The following ADH4 variants were observed in gnomAD, a reference collection of about 807,000 sequenced individuals.
ADH4 encodes the protein alcohol dehydrogenase 4 (class II), pi polypeptide, also known as all-trans-retinol dehydrogenase [NAD(+)] ADH4.
A neutral mutation model predicts 35.2 loss-of-function variants in ADH4; 31 were observed. The observed-to-expected ratio is 0.88, with a 90% CI of 0.66 to 1.19. The LOEUF is 1.19. ADH4 is among the 50% of genes most tolerant of loss of function. The pLI is 0.00. For missense variants in ADH4, 476 were observed against 458.3 expected (o/e 1.04, Z -0.35); for synonymous variants, 171 against 160.2 (o/e 1.07, Z -0.51).
At chr4:99,133,527 T>C (rs1729349095) in intron 5 of ADH4, 1 of 152,230 alleles carries the variant, frequency 6.6e-6, no homozygotes, top group South Asian at 2.1e-4. Context: ...TTACTGATAC[T>C]TCACTTTCCT....
At chr4:99,129,178 AAGT>A (rs962843496) in intron 6 of ADH4, among the ~76,000 whole-genome samples, 153 of 152,228 alleles carry the variant, frequency 1.0e-3, no homozygotes, top group African/African-American at 3.3e-3. Flanking sequence ...AAAAAAAAGT[AAGT>A]AGGGGAGAGA....
intron 5 of ADH4, among the ~76,000 whole-genome samples, chr4:99,133,365 T>G (rs192418461): frequency 6.6e-6 from 1 of 152,300 alleles, no homozygotes; most frequent in East Asian, 1.9e-4. Flanking sequence ...TGTAATGTTG[T>G]TTAATTGGCA....
intron 2 of ADH4, 107 bp from the exon 3 acceptor site, chr4:99,141,789 C>G: frequency 2.9e-6 from 3 of 1,026,624 alleles, no homozygotes; most frequent in Non-Finnish European, 4.1e-6. Context: ...TATAAGACTT[C>G]TAGAACTCAA....
chr4:99,127,301 G>T lies in ADH4; in HGVS notation c.887C>A (p.Thr296Asn), dbSNP rs1423540080. 2 of 1,612,188 alleles carry T rather than the reference G, an allele frequency of 1.2e-6. No individual in the cohort carries two copies. Among genetic ancestry groups the T allele is most frequent in the Non-Finnish European group, 1.7e-6 (2 of 1,178,942 alleles). ...GCTACCAGCAGCTACTCCAATGAAA[G>T]TACATGATCCCCAGCCTGCGGTTGT... is the stretch of plus-strand genomic sequence containing the variant. ...DCTTAGWGSC[T>N]FIGVAAGSKG... The change falls in exon 7 of 9, where the codon ACT (threonine) becomes AAT (asparagine). Residue 296 changes from threonine to asparagine, a missense_variant. Transcript: ENST00000265512.
intron 8 of ADH4, among the ~76,000 whole-genome samples, chr4:99,125,433 G>A (rs1018898375): frequency 1.3e-5 from 2 of 152,164 alleles, no homozygotes; most frequent in Non-Finnish European, 1.5e-5. Flanking sequence ...CTGCCACTTA[G>A]CATTCCTTAT....
At chr4:99,137,372 C>T (rs1045162408) in intron 4 of ADH4, among the ~76,000 whole-genome samples, 3 of 151,692 alleles carry the variant, frequency 2.0e-5, no homozygotes, top group East Asian at 1.9e-4. Context: ...GCTATCCACC[C>T]GCCTCAGCCT....
rs771009134 is a variant in ADH4 at position 99,131,722 on chromosome 4, C to A, written c.625G>T (p.Val209Leu). 1.2e-6 allele frequency: 2 copies of A among 1,614,074 alleles called. No individual in the cohort carries two copies. Among genetic ancestry groups the A allele is most frequent in the Non-Finnish European group, 1.7e-6 (2 of 1,180,022 alleles). Residue 209 changes from valine to leucine, a missense_variant, in exon 6 of 9, where the codon GTG (valine) becomes TTG (leucine). Val to Leu is a conservative substitution (Grantham distance 32). Coordinates refer to ENST00000265512, the MANE Select transcript of ADH4 (RefSeq NM_000670.5). Reference sequence around the variant, plus strand: ...CAACCCATTACAGCAGAAAGACCCACACCTCCTAGGCCAAAGACAGCACAA... The same window carrying A: ...CAACCCATTACAGCAGAAAGACCCAAACCTCCTAGGCCAAAGACAGCACAA... ...STCAVFGLGG[V>L]GLSAVMGCKA...
chr4:99,132,897 A>G (rs1393982303), intron 5 of ADH4, among the ~76,000 whole-genome samples: 1 of 152,314 alleles, frequency 6.6e-6, no homozygotes, highest in Non-Finnish European at 1.5e-5. Flanking sequence ...CTTATTTACT[A>G]TAATATTAGG....
chr4:99,133,041 A>G (rs4148888), intron 5 of ADH4, among the ~76,000 whole-genome samples: 18,805 of 152,164 alleles, frequency 0.12, 2,433 homozygotes, highest in East Asian at 0.73. Context: ...GATTCTTAAT[A>G]TATTGCTCCA....
intron 5 of ADH4, among the ~76,000 whole-genome samples, chr4:99,133,977 A>T (rs929553115): frequency 6.6e-6 from 1 of 152,230 alleles, no homozygotes; most frequent in Non-Finnish European, 1.5e-5. Flanking sequence ...AGTACTAATT[A>T]TGCTTTTAAA....
chr4:99,142,910 A>C, intron 1 of ADH4, 130 bp from the exon 2 acceptor site: 2 of 626,070 alleles, frequency 3.2e-6, no homozygotes, highest in South Asian at 2.1e-5. Context: ...AAAGAGTTAA[A>C]GAGTTTGTAG....
At chr4:99,139,510 A>G (rs546165336) in intron 3 of ADH4, among the ~76,000 whole-genome samples, 3 of 152,176 alleles carry the variant, frequency 2.0e-5, no homozygotes, top group Non-Finnish European at 4.4e-5. Flanking sequence ...GAGGTAAACA[A>G]TTATAGGCTA....
At chr4:99,133,505 T>C (rs1729348618) in intron 5 of ADH4, 1 of 152,224 alleles carries the variant, frequency 6.6e-6, no homozygotes, top group African/African-American at 2.4e-5. Context: ...AGCTCTTGCC[T>C]TTTGGGCAGA....
rs546912722 is a variant in ADH4, at chr4:99,131,266, C to T, written c.843+238G>A. Reference sequence around the variant, plus strand: ...AAATAATGCTGGTATGGCTTCTTATCACAAGAGAAGACTGAACTCACCAAG... The same window carrying T: ...AAATAATGCTGGTATGGCTTCTTATTACAAGAGAAGACTGAACTCACCAAG... On this transcript the variant is annotated intron_variant, in intron 6 of 8. Transcript: ENST00000265512. 2.0e-5 allele frequency among the ~76,000 whole-genome samples: 3 copies of T among 152,190 alleles called. No homozygotes were observed. In the South Asian group the frequency reaches 6.2e-4, roughly 32 times the overall value.
intron 4 of ADH4, among the ~76,000 whole-genome samples, chr4:99,137,024 A>T (rs528856985): frequency 6.6e-6 from 1 of 152,060 alleles, no homozygotes; most frequent in South Asian, 2.1e-4. Flanking sequence ...ATCTCCGTTC[A>T]CCGCAACCTC....
intron 6 of ADH4, among the ~76,000 whole-genome samples, chr4:99,129,086 C>A (rs1729189478): frequency 6.6e-6 from 1 of 151,938 alleles, no homozygotes; most frequent in South Asian, 2.1e-4. Flanking sequence ...AGGCATGACC[C>A]ACTGTGCCTG....
At chr4:99,143,276 A>C (rs1390791982) in intron 1 of ADH4, 1 of 700,564 alleles carries the variant, frequency 1.4e-6, no homozygotes, top group East Asian at 2.7e-5. Flanking sequence ...TAGAGATGAA[A>C]GCCCTGCCTC....
At chr4:99,126,267 CAG>C (rs1261769204) in intron 8 of ADH4, among the ~76,000 whole-genome samples, 1 of 141,558 alleles carries the variant, frequency 7.1e-6, no homozygotes, top group Non-Finnish European at 1.5e-5. Flanking sequence ...GTGCTAAACT[CAG>C]GGGTACACTC....
intron 4 of ADH4, among the ~76,000 whole-genome samples, chr4:99,137,282 C>A (rs1339655161): frequency 1.3e-5 from 2 of 152,108 alleles, no homozygotes; most frequent in Non-Finnish European, 2.9e-5. Context: ...CACGCACCAC[C>A]AGGCCCGGCT....
Sources: gnomAD v4.1 joint callset for allele counts (sites outside exome capture counted in the v4.1 genomes callset) on GRCh38, gnomAD v4.1.1 for gene constraint, MANE v1.5 for transcripts, NCBI Gene and HGNC (gene_info 2026-07-23, HGNC 2026-07-21) for gene names.